Variants in PCDHGA11 observed in about 807,000 individuals in gnomAD.
PCDHGA11 encodes protocadherin gamma subfamily A, 11.
In PCDHGA11, 39 loss-of-function variants were observed where a neutral mutation model predicts 60.4. That is an observed-to-expected ratio of 0.65 (90% CI 0.50 to 0.84). The LOEUF is 0.84. Among genes scored for constraint, PCDHGA11 ranks in the 40% least tolerant of loss-of-function variants. The pLI is 0.00. For missense variants in PCDHGA11, 1,165 were observed against 1,197.7 expected (o/e 0.97, Z 0.40); for synonymous variants, 533 against 510.3 (o/e 1.04, Z -0.60).
rs1472816403 is a variant in PCDHGA11 at position 141,451,473 on chromosome 5, C to T, written c.2433+27813C>T. On this transcript the variant is annotated intron_variant, in intron 1 of 3. Transcript: ENST00000398587. ...TGTTAGCTTGAGGTCTACCTCAGTTCCTTGCCATGTGGACCTCCATAGGGC... is the reference window on the plus strand; with the variant it reads ...TGTTAGCTTGAGGTCTACCTCAGTTTCTTGCCATGTGGACCTCCATAGGGC... Among the ~76,000 whole-genome samples the T allele has an allele frequency of 2.0e-5, 3 of 152,218 alleles. No homozygotes were observed. In the East Asian group the frequency reaches 5.8e-4, roughly 29 times the overall value.
At chr5:141,450,642 A>C (rs2098688710) in intron 1 of PCDHGA11, among the ~76,000 whole-genome samples, 1 of 151,504 alleles carries the variant, frequency 6.6e-6, no homozygotes, top group Non-Finnish European at 1.5e-5. Context: ...GCCTGCCACC[A>C]TGCCTGGCTA....
In PCDHGA11 at chr5:141,422,566, A is replaced by G. The variant is rs2096656660; in HGVS notation, c.1339A>G (p.Asn447Asp). 1 of 1,614,020 alleles carries G rather than the reference A, an allele frequency of 6.2e-7. No homozygotes were observed. The highest frequency in any genetic ancestry group is 8.5e-7 in the Non-Finnish European group (1 of 1,179,916). Residue 447 changes from asparagine (N) to aspartate (D), a missense_variant, in exon 1 of 4, where the codon AAC (asparagine) becomes GAC (aspartate). Asn to Asp is a conservative substitution (Grantham distance 23, BLOSUM62 1). Coordinates refer to ENST00000398587, the MANE Select transcript of PCDHGA11 (RefSeq NM_018914.3). ...THVWLNVADDNDNPPVFPHSS... is the reference protein window; with the variant it reads ...THVWLNVADDDDNPPVFPHSS... ...TGTCTGGCTGAATGTGGCAGATGAC[A>G]ACGATAACCCTCCCGTTTTTCCTCA...
chr5:141,442,014 G>T, intron 1 of PCDHGA11: 1 of 220,044 alleles, frequency 4.5e-6, no homozygotes, highest in Non-Finnish European at 9.2e-6. Flanking sequence ...TCGCACGATG[G>T]GCCACAGGAA....
chr5:141,476,986 C>A lies in PCDHGA11; in HGVS notation c.2434-17821C>A. ...CCTTCGGCAGCCACAACCGCGCCGG[C>A]GTGCGGCAACTATTCGCCTTAGACC... On this transcript the variant is annotated intron_variant, in intron 1 of 3. Transcript: ENST00000398587. The surrounding 1 kb of genome is among the most constrained non-coding windows in gnomAD (Gnocchi z 7.6). 6.2e-7 allele frequency: 1 copy of A among 1,614,218 alleles called. No individual in the cohort carries two copies. The highest frequency in any genetic ancestry group is 8.5e-7 in the Non-Finnish European group (1 of 1,180,042).
rs925034052 is a variant in PCDHGA11, at chr5:141,486,630, T to G, written c.2434-8177T>G. 2 of 1,613,690 alleles carry G rather than the reference T, an allele frequency of 1.2e-6. No individual in the cohort carries two copies. Among genetic ancestry groups the G allele is most frequent in the Non-Finnish European group, 1.7e-6 (2 of 1,180,028 alleles). ...GCAGCCTCTGACCCAGACTCTGGCTTGAATGCGCTTATCTCCTACTCACTC... is the reference window on the plus strand; with the variant it reads ...GCAGCCTCTGACCCAGACTCTGGCTGGAATGCGCTTATCTCCTACTCACTC... On this transcript the variant is annotated intron_variant, in intron 1 of 3. Coordinates refer to ENST00000398587, the MANE Select transcript of PCDHGA11 (RefSeq NM_018914.3). This position sits in a 1 kb window ranked among gnomAD's most constrained non-coding sequence, Gnocchi z 5.0.
At chr5:141,436,294 G>A (rs1205368824) in intron 1 of PCDHGA11, among the ~76,000 whole-genome samples, 1 of 152,142 alleles carries the variant, frequency 6.6e-6, no homozygotes, top group Non-Finnish European at 1.5e-5. Context: ...AAATCATTGA[G>A]AGTTAGAGCA....
intron 2 of PCDHGA11, among the ~76,000 whole-genome samples, chr5:141,503,984 C>T (rs967348519): frequency 2.0e-5 from 3 of 152,184 alleles, no homozygotes; most frequent in African/African-American, 7.2e-5. Context: ...AACCCTTCTT[C>T]TTACCTTACA....
At chr5:141,502,525 G>A (rs1258704254) in intron 2 of PCDHGA11, among the ~76,000 whole-genome samples, 1 of 152,074 alleles carries the variant, frequency 6.6e-6, no homozygotes, top group Non-Finnish European at 1.5e-5. Flanking sequence ...CAGTGATGCC[G>A]AGTTTGTTCG....
chr5:141,424,184 C>A, intron 1 of PCDHGA11: 1 of 199,136 alleles, frequency 5.0e-6, no homozygotes, highest in Non-Finnish European at 9.9e-6. Context: ...TACACATGCA[C>A]ACACACTTAT....
At chr5:141,460,991 A>G (rs889917939) in intron 1 of PCDHGA11, among the ~76,000 whole-genome samples, 39 of 141,522 alleles carry the variant, frequency 2.8e-4, no homozygotes, top group East Asian at 1.0e-3. Flanking sequence ...GTGTATATAT[A>G]TATATGTGTA....
chr5:141,421,338 A>G lies in PCDHGA11; in HGVS notation c.111A>G (p.Pro37=), dbSNP rs560707757. 1.2e-6 allele frequency: 2 copies of G among 1,613,966 alleles called. No individual in the cohort carries two copies. The highest frequency in any genetic ancestry group is 1.7e-6 in the Non-Finnish European group (2 of 1,179,888). Residue 37 remains proline, a synonymous_variant, in exon 1 of 4, where the codon CCA becomes CCG. Coordinates refer to ENST00000398587, the MANE Select transcript of PCDHGA11 (RefSeq NM_018914.3). The part of the protein sequence containing the change: ...FRARQIRYSV[P]EETEKGSFVG... ...CCAGGCAGATCCGATATTCGGTGCC[A>G]GAAGAGACCGAAAAGGGCTCCTTCG...
rs773944794 is a variant in PCDHGA11 at position 141,477,003 on chromosome 5, C to T, written c.2434-17804C>T. 1.2e-6 allele frequency: 2 copies of T among 1,614,214 alleles called. No homozygotes were observed. The highest frequency in any genetic ancestry group is 8.5e-7 in the Non-Finnish European group (1 of 1,180,040). On this transcript the variant is annotated intron_variant, in intron 1 of 3. Transcript: ENST00000398587. This position sits in a 1 kb window ranked among gnomAD's most constrained non-coding sequence, Gnocchi z 4.9. ...CGCGCCGGCGTGCGGCAACTATTCG[C>T]CTTAGACCTTGTAACCGGGATGCTG...
chr5:141,499,261 GT>G (rs2099790689), intron 2 of PCDHGA11, among the ~76,000 whole-genome samples: 1 of 152,022 alleles, frequency 6.6e-6, no homozygotes, highest in South Asian at 2.1e-4. Context: ...TCTCCATTTG[GT>G]CCCTAGACTG....
chr5:141,434,870 C>G (rs1263324193), intron 1 of PCDHGA11, among the ~76,000 whole-genome samples: 3 of 151,726 alleles, frequency 2.0e-5, no homozygotes, highest in Non-Finnish European at 1.5e-5. Flanking sequence ...ATATATGTGA[C>G]AGATACCAAC....
chr5:141,458,386 G>T (rs1037969327), intron 1 of PCDHGA11, among the ~76,000 whole-genome samples: 2 of 152,070 alleles, frequency 1.3e-5, no homozygotes, highest in African/African-American at 2.4e-5. Flanking sequence ...GAAGGAAGAC[G>T]CTCCCCCTTG....
chr5:141,468,226 G>T (rs967204965), intron 1 of PCDHGA11, among the ~76,000 whole-genome samples: 2 of 151,038 alleles, frequency 1.3e-5, no homozygotes, highest in Admixed American at 1.3e-4. Flanking sequence ...TTGGGAGGAT[G>T]AGGTAGGAGA....
intron 1 of PCDHGA11, among the ~76,000 whole-genome samples, chr5:141,474,763 A>G (rs2099354251): frequency 6.6e-6 from 1 of 152,254 alleles, no homozygotes; most frequent in Non-Finnish European, 1.5e-5. Flanking sequence ...ATATACAGAA[A>G]TAGTATGAGG....
At chr5:141,481,472 A>G (rs2099538174) in intron 1 of PCDHGA11, among the ~76,000 whole-genome samples, 1 of 152,246 alleles carries the variant, frequency 6.6e-6, no homozygotes, top group Non-Finnish European at 1.5e-5. Context: ...CCATTGGATT[A>G]TACACTTTAA....
At chr5:141,455,282 A>C (rs1307886349) in intron 1 of PCDHGA11, among the ~76,000 whole-genome samples, 1 of 152,056 alleles carries the variant, frequency 6.6e-6, no homozygotes, top group Non-Finnish European at 1.5e-5. Flanking sequence ...TATTAACATC[A>C]CTTTACATAG....
Sources: allele counts gnomAD v4.1 joint callset (sites outside exome capture counted in the v4.1 genomes callset), GRCh38; gene constraint gnomAD v4.1.1; non-coding constraint Gnocchi (gnomAD v3.1); transcripts MANE v1.5; gene names NCBI Gene and HGNC (gene_info 2026-07-23, HGNC 2026-07-21).